Variants in ARPP21 observed in about 807,000 individuals in gnomAD.
The protein encoded by ARPP21 is cAMP regulated phosphoprotein 21, also known as cAMP-regulated phosphoprotein 21.
In ARPP21, 69 loss-of-function variants were observed where a neutral mutation model predicts 113.2. The observed-to-expected ratio is 0.61, with a 90% CI of 0.50 to 0.74. The LOEUF is 0.74. Among genes scored for constraint, ARPP21 ranks in the 30% least tolerant of loss-of-function variants. The probability of loss-of-function intolerance (pLI) is 0.00; values close to 1 mark genes in which losing one functional copy is unlikely to be tolerated. For missense variants in ARPP21, 1,070 were observed against 1,037.4 expected, an observed-to-expected ratio of 1.03 and a Z score of -0.43; for synonymous variants, 368 against 375.5, an observed-to-expected ratio of 0.98 and a Z score of 0.23.
At chr3:35,721,478 T>A (rs1305291095) in intron 13 of ARPP21, 127 bp from the exon 14 acceptor site, 4 of 626,524 alleles carry the variant, frequency 6.4e-6, no homozygotes, top group Non-Finnish European at 1.2e-5. Flanking sequence ...ACTGGTTTAA[T>A]GAAAAGGGTT....
chr3:35,674,116 A>T (rs2076953587), intron 1 of ARPP21, among the ~76,000 whole-genome samples: 1 of 151,966 alleles, frequency 6.6e-6, no homozygotes, highest in African/African-American at 2.4e-5. Flanking sequence ...ATTGAACTGG[A>T]TGTAGAATGC....
intron 19 of ARPP21, among the ~76,000 whole-genome samples, chr3:35,781,899 T>G (rs2096534266): frequency 6.6e-6 from 1 of 152,200 alleles, no homozygotes; most frequent in East Asian, 1.9e-4. Flanking sequence ...TAAATTTATA[T>G]CAAACTTAGT....
intron 1 of ARPP21, among the ~76,000 whole-genome samples, chr3:35,666,583 A>T (rs1400394604): frequency 6.6e-6 from 1 of 152,148 alleles, no homozygotes; most frequent in Non-Finnish European, 1.5e-5. Context: ...TGTCTTTGAC[A>T]TTAATTTCAA....
At chr3:35,723,817 C>G (rs1225967709) in intron 14 of ARPP21, among the ~76,000 whole-genome samples, 1 of 152,020 alleles carries the variant, frequency 6.6e-6, no homozygotes, top group Non-Finnish European at 1.5e-5. Flanking sequence ...TTCTTTTAAT[C>G]TAAGTGTCTC....
chr3:35,639,358 C>G (rs995866417), upstream of ARPP21, among the ~76,000 whole-genome samples: 1 of 151,948 alleles, frequency 6.6e-6, no homozygotes, highest in African/African-American at 2.4e-5. The surrounding 1 kb of genome is among the most constrained non-coding windows in gnomAD (Gnocchi z 5.0). Flanking sequence ...TGTGGCGGGT[C>G]TGGGGCCCGG....
chr3:35,725,572 T>TTGGGAAGTATCCTTCCTCCC (rs2093465682), intron 14 of ARPP21, among the ~76,000 whole-genome samples: 2 of 152,204 alleles, frequency 1.3e-5, no homozygotes, highest in African/African-American at 2.4e-5. Context: ...TCCTTCCTCC[T>TTGGGAAGTATCCTTCCTCCC]TGGGAAGTAT....
At chr3:35,713,004 A>C (rs1176166882) in intron 11 of ARPP21, among the ~76,000 whole-genome samples, 1 of 152,146 alleles carries the variant, frequency 6.6e-6, no homozygotes, top group Non-Finnish European at 1.5e-5. Flanking sequence ...GGTCCTCCTA[A>C]CATGTGCTGG....
intron 18 of ARPP21, among the ~76,000 whole-genome samples, chr3:35,740,782 T>A (rs559613055): frequency 6.6e-6 from 1 of 151,094 alleles, no homozygotes; most frequent in South Asian, 2.1e-4. Context: ...TAATTAAAGA[T>A]CTTTAAAATA....
chr3:35,711,807 T>C (rs1337985352), intron 11 of ARPP21, among the ~76,000 whole-genome samples: 1 of 152,200 alleles, frequency 6.6e-6, no homozygotes, highest in Non-Finnish European at 1.5e-5. Context: ...CTTCATGACA[T>C]GGCAACTAAC....
Position 35,776,826 on chromosome 3 carries a change from G to A in ARPP21, c.2138-15556G>A, listed in dbSNP as rs1315856416. On this transcript the variant is annotated intron_variant, in intron 19 of 20. Coordinates refer to ENST00000684406, the MANE Select transcript of ARPP21 (RefSeq NM_001385562.1). ...ACTGCTCTCCCAGGGATGGGAGTCTGGGCCCAAGTGCCTTTCTAGGTGGTT... is the reference window on the plus strand; with the variant it reads ...ACTGCTCTCCCAGGGATGGGAGTCTAGGCCCAAGTGCCTTTCTAGGTGGTT... Among the ~76,000 whole-genome samples the A allele has an allele frequency of 1.3e-5, 2 of 152,150 alleles. 1 individual carries two copies. The highest frequency in any genetic ancestry group is 4.2e-4 in the South Asian group (2 of 4,804).
intron 1 of ARPP21, among the ~76,000 whole-genome samples, chr3:35,665,147 G>C (rs999772466): frequency 6.6e-6 from 1 of 152,130 alleles, no homozygotes; most frequent in South Asian, 2.1e-4. Context: ...AGTGTGTCTT[G>C]GTTTATATTT....
chr3:35,733,779 A>G (rs1375733022), intron 15 of ARPP21, among the ~76,000 whole-genome samples: 1 of 151,986 alleles, frequency 6.6e-6, no homozygotes. Context: ...ATAAAAATCA[A>G]TTTTTTGTAC....
intron 14 of ARPP21, among the ~76,000 whole-genome samples, chr3:35,728,513 C>A (rs1002648355): frequency 3.5e-5 from 5 of 143,088 alleles, no homozygotes. Context: ...CCACTGTGCC[C>A]AGCCCATCCT....
intron 1 of ARPP21, among the ~76,000 whole-genome samples, chr3:35,641,239 A>G (rs2148828186): frequency 6.8e-6 from 1 of 146,742 alleles, no homozygotes; most frequent in Admixed American, 6.7e-5. Context: ...CCAGTATGAC[A>G]CTCAGCCTCT....
At chr3:35,772,519 T>A (rs1017384138) in intron 19 of ARPP21, among the ~76,000 whole-genome samples, 11 of 152,200 alleles carry the variant, frequency 7.2e-5, no homozygotes, top group African/African-American at 2.7e-4. Context: ...TGGTGATTAG[T>A]CCAGCACTCC....
rs2095841751 is a variant in ARPP21 at position 35,763,121 on chromosome 3, CTG to C, written c.2137+19162_2137+19163del. ...GACAAGAGTTCTAATAATAATAGCT[CTG>C]TGTGTCTTTTTAAAAATTTAATTAC... On this transcript the variant is annotated intron_variant, in intron 19 of 20. Transcript: ENST00000684406. Among the ~76,000 whole-genome samples, 3 of 152,096 alleles carry C rather than the reference CTG, an allele frequency of 2.0e-5. No individual in the cohort carries two copies. In the South Asian group the frequency reaches 6.2e-4, roughly 31 times the overall value.
intron 9 of ARPP21, among the ~76,000 whole-genome samples, chr3:35,695,327 C>G (rs892160118): frequency 3.3e-5 from 5 of 151,460 alleles, no homozygotes; most frequent in African/African-American, 4.8e-5. Context: ...TATACACAGA[C>G]AAAACTTTCC....
At chr3:35,671,289 T>C (rs2076283093) in intron 1 of ARPP21, among the ~76,000 whole-genome samples, 1 of 152,186 alleles carries the variant, frequency 6.6e-6, no homozygotes, top group African/African-American at 2.4e-5. Flanking sequence ...GAAAGATATT[T>C]AACTGTGGTG....
At chr3:35,653,167 T>G (rs1164844257) in intron 1 of ARPP21, among the ~76,000 whole-genome samples, 8 of 152,074 alleles carry the variant, frequency 5.3e-5, no homozygotes, top group Non-Finnish European at 4.4e-5. Flanking sequence ...GAAAGGGACT[T>G]TGTGTGCCTA....
Sources: allele counts gnomAD v4.1 joint callset (sites outside exome capture counted in the v4.1 genomes callset), GRCh38; gene constraint gnomAD v4.1.1; non-coding constraint Gnocchi (gnomAD v3.1); transcripts MANE v1.5; gene names NCBI Gene and HGNC (gene_info 2026-07-23, HGNC 2026-07-21).